Variants in GSK3B observed in about 807,000 individuals in gnomAD.
GSK3B encodes the protein glycogen synthase kinase-3 beta.
Under a neutral mutation model 56.4 loss-of-function variants are expected in GSK3B, and 15 were observed. The observed-to-expected ratio is 0.27, with a 90% CI of 0.18 to 0.41. The LOEUF (loss-of-function observed/expected upper bound fraction) is 0.41, where lower values mean the gene tolerates loss of function less well. GSK3B is among the 10% of genes least tolerant of loss of function. The pLI, the probability that GSK3B is intolerant of heterozygous loss-of-function variation, is 1.00. For synonymous variants in GSK3B, 181 were observed against 188.9 expected (o/e 0.96, Z 0.34); for missense variants, 300 against 513.4 (o/e 0.58, Z 4.02).
intron 10 of GSK3B, among the ~76,000 whole-genome samples, chr3:119,837,517 A>G (rs2055709680): frequency 2.0e-5 from 3 of 152,090 alleles, no homozygotes; most frequent in Non-Finnish European, 1.5e-5. Context: ...TTCTTGCAAT[A>G]ATGTCTATTA....
rs1041203897 is a variant in GSK3B at position 119,831,810 on chromosome 3, A to G, written c.1196-4955T>C. On this transcript the variant is annotated intron_variant, in intron 10 of 10. Transcript: ENST00000264235. ...CATTTCACTGACTTTGAAGCTTCCTATAAACCAATGCCCATTATCACCTGT... is the reference window on the plus strand; with the variant it reads ...CATTTCACTGACTTTGAAGCTTCCTGTAAACCAATGCCCATTATCACCTGT... Among the ~76,000 whole-genome samples the G allele has an allele frequency of 5.3e-5, 8 of 152,234 alleles. 1 individual carries two copies. In the East Asian group the frequency reaches 9.6e-4, roughly 18 times the overall value.
chr3:120,031,806 T>C (rs1252259196), intron 1 of GSK3B, among the ~76,000 whole-genome samples: 1 of 152,240 alleles, frequency 6.6e-6, no homozygotes, highest in African/African-American at 2.4e-5. Context: ...AGATAAGACA[T>C]ATCTGCATTT....
At chr3:120,032,041 C>T (rs867764797) in intron 1 of GSK3B, among the ~76,000 whole-genome samples, 9 of 152,154 alleles carry the variant, frequency 5.9e-5, no homozygotes, top group Middle Eastern at 3.4e-3. Flanking sequence ...AAGTTTGAAT[C>T]GAACGTTCTG....
chr3:120,087,690 T>C lies in GSK3B; in HGVS notation c.88+5657A>G, dbSNP rs187318333. ...AAATAAAAAGTTGGTTTGACAAAAC[T>C]AGTTTCAAGACAAATACATCATTAC... On this transcript the variant is annotated intron_variant, in intron 1 of 10. Coordinates refer to ENST00000264235, the MANE Select transcript of GSK3B (RefSeq NM_001146156.2). Among the ~76,000 whole-genome samples the C allele has an allele frequency of 4.3e-3, 649 of 152,288 alleles. 1 individual carries two copies. Among genetic ancestry groups the C allele is most frequent in the African/African-American group, 0.015 (613 of 41,564 alleles).
At chr3:120,068,453 C>T (rs187049236) in intron 1 of GSK3B, among the ~76,000 whole-genome samples, 30 of 150,750 alleles carry the variant, frequency 2.0e-4, no homozygotes, top group East Asian at 1.2e-3. Flanking sequence ...GTATTCCCAG[C>T]ACTCTGGGAG....
At chr3:119,833,703 T>G (rs796298910) in intron 10 of GSK3B, among the ~76,000 whole-genome samples, 2 of 147,678 alleles carry the variant, frequency 1.4e-5, no homozygotes, top group Non-Finnish European at 3.0e-5. Flanking sequence ...TTTTTTTTTT[T>G]TTTTTTTTTT....
Position 120,031,585 on chromosome 3 carries a change from T to C in GSK3B, c.89-29346A>G, listed in dbSNP as rs1189242302. On this transcript the variant is annotated intron_variant, in intron 1 of 10. Coordinates refer to ENST00000264235, the MANE Select transcript of GSK3B (RefSeq NM_001146156.2). ...GGAAGTAGAGGGACAGAGGGTGAAG[T>C]AGGAGAAGGAGAAAACACTTAACAA... 2.0e-5 allele frequency among the ~76,000 whole-genome samples: 3 copies of C among 152,190 alleles called. No homozygotes were observed. The South Asian group carries it at 6.2e-4, about 32-fold the overall frequency.
At chr3:119,885,588 T>C (rs141483553) in intron 7 of GSK3B, among the ~76,000 whole-genome samples, 2,295 of 152,256 alleles carry the variant, frequency 0.015, 55 homozygotes, top group African/African-American at 0.051. Context: ...AGAGCCCATA[T>C]AGCCAAAGCA....
chr3:119,840,970 A>C (rs2055763207), intron 10 of GSK3B, among the ~76,000 whole-genome samples: 1 of 152,210 alleles, frequency 6.6e-6, no homozygotes, highest in Non-Finnish European at 1.5e-5. Context: ...CAGAATTATA[A>C]CACTTCTTTA....
intron 1 of GSK3B, chr3:120,029,260 T>A (rs2057955367): frequency 2.8e-6 from 2 of 725,348 alleles, no homozygotes; most frequent in East Asian, 5.2e-5. Context: ...CAGCTGCAAA[T>A]GAATGTCTTT....
intron 6 of GSK3B, among the ~76,000 whole-genome samples, chr3:119,908,973 T>A (rs1455238435): frequency 6.6e-6 from 1 of 152,230 alleles, no homozygotes; most frequent in Non-Finnish European, 1.5e-5. Context: ...TCTATTTATA[T>A]CAAAAAGACA....
At chr3:120,027,862 T>C (rs192909408) in intron 1 of GSK3B, among the ~76,000 whole-genome samples, 224 of 152,368 alleles carry the variant, frequency 1.5e-3, no homozygotes, top group Non-Finnish European at 2.7e-3. Context: ...ACACTGAGCA[T>C]ATAAAATGTT....
At chr3:119,948,893 G>C (rs1044390776) in intron 2 of GSK3B, among the ~76,000 whole-genome samples, 4 of 152,074 alleles carry the variant, frequency 2.6e-5, no homozygotes, top group African/African-American at 9.7e-5. Flanking sequence ...GTAGAGACAG[G>C]GTTTCACCAT....
intron 2 of GSK3B, among the ~76,000 whole-genome samples, chr3:119,967,211 G>A (rs1019939610): frequency 6.6e-6 from 1 of 152,026 alleles, no homozygotes; most frequent in Admixed American, 6.6e-5. Context: ...CTGAGTAGCT[G>A]GGACTACAGG....
At chr3:119,943,151 A>C (rs902566066) in intron 3 of GSK3B, among the ~76,000 whole-genome samples, 3 of 152,224 alleles carry the variant, frequency 2.0e-5, no homozygotes, top group Non-Finnish European at 2.9e-5. Context: ...AAAAGGCAGA[A>C]TACAATAAAA....
At chr3:119,840,904 C>T (rs1391019735) in intron 10 of GSK3B, among the ~76,000 whole-genome samples, 1 of 152,120 alleles carries the variant, frequency 6.6e-6, no homozygotes, top group Non-Finnish European at 1.5e-5. Flanking sequence ...CCAGAAACAC[C>T]GTTTTTTCTA....
chr3:120,080,232 A>C (rs2058406840), intron 1 of GSK3B, among the ~76,000 whole-genome samples: 1 of 152,030 alleles, frequency 6.6e-6, no homozygotes, highest in Non-Finnish European at 1.5e-5. Context: ...TTGAGGCTGC[A>C]GTGAGCCAAG....
intron 1 of GSK3B, among the ~76,000 whole-genome samples, chr3:120,081,936 A>G (rs1417843074): frequency 6.6e-6 from 1 of 152,230 alleles, no homozygotes; most frequent in Non-Finnish European, 1.5e-5. Flanking sequence ...TTTGAGACTG[A>G]AAGCCAGCTA....
intron 7 of GSK3B, among the ~76,000 whole-genome samples, chr3:119,901,563 G>A (rs1453949841): frequency 3.3e-5 from 5 of 152,226 alleles, no homozygotes; most frequent in Admixed American, 1.3e-4. Flanking sequence ...GATACAGTTC[G>A]TTTAATTAAA....
Sources: gnomAD v4.1 joint callset for allele counts (sites outside exome capture counted in the v4.1 genomes callset) on GRCh38, gnomAD v4.1.1 for gene constraint, MANE v1.5 for transcripts, NCBI Gene and HGNC (gene_info 2026-07-23, HGNC 2026-07-21) for gene names.